TMC1: variants seen among roughly 807,000 people sequenced by gnomAD.
TMC1 encodes the protein transmembrane channel-like protein 1.
In TMC1, 84 loss-of-function variants were observed where a neutral mutation model predicts 105.8. The ratio of observed to expected loss-of-function variants is 0.79; its 90% CI spans 0.67 to 0.95. The LOEUF is 0.95. Ranked by LOEUF, TMC1 falls within the 40% of genes least tolerant of loss-of-function variation. The pLI is 0.00. For synonymous variants in TMC1, 315 were observed against 311.5 expected (o/e 1.01, Z -0.12); for missense variants, 817 against 914.1 (o/e 0.89, Z 1.37).
intron 3 of TMC1, among the ~76,000 whole-genome samples, chr9:72,624,298 T>C (rs1474648781): frequency 6.6e-6 from 1 of 152,174 alleles, no homozygotes; most frequent in Non-Finnish European, 1.5e-5. Flanking sequence ...AAAGGCAGGA[T>C]GGATCATCCT....
intron 2 of TMC1, among the ~76,000 whole-genome samples, chr9:72,596,240 G>A (rs1312034718): frequency 6.6e-6 from 1 of 152,170 alleles, no homozygotes; most frequent in South Asian, 2.1e-4. Context: ...CTGCCCATCT[G>A]TATCACCTTC....
At chr9:72,652,207 A>G (rs886400972) in intron 5 of TMC1, among the ~76,000 whole-genome samples, 3 of 152,158 alleles carry the variant, frequency 2.0e-5, no homozygotes, top group African/African-American at 7.2e-5. Context: ...TGTATATCTG[A>G]GTAGAAGGTA....
chr9:72,832,182 G>A (rs939225263), intron 23 of TMC1, among the ~76,000 whole-genome samples: 1 of 151,946 alleles, frequency 6.6e-6, no homozygotes, highest in African/African-American at 2.4e-5. Flanking sequence ...AAAGTCTTGG[G>A]CTCAGGTGAT....
intron 9 of TMC1, chr9:72,741,027 T>G (rs1305906320): frequency 1.3e-5 from 2 of 153,102 alleles, no homozygotes; most frequent in African/African-American, 4.8e-5. Flanking sequence ...TGTGTTGTAG[T>G]CTATTGTATA....
chr9:72,740,003 A>T, intron 8 of TMC1, 116 bp from the exon 9 acceptor site: 1 of 773,754 alleles, frequency 1.3e-6, no homozygotes, highest in Non-Finnish European at 2.2e-6. Context: ...TTCACCTGTG[A>T]AGGATCTAGA....
intron 4 of TMC1, among the ~76,000 whole-genome samples, chr9:72,647,438 T>C (rs1340474276): frequency 4.5e-4 from 68 of 152,196 alleles, no homozygotes; most frequent in Non-Finnish European, 2.2e-4. Context: ...TCAAATTGCA[T>C]GTTGTTCTTG....
At chr9:72,823,178 A>AT (rs770183371) in intron 20 of TMC1, among the ~76,000 whole-genome samples, 12 of 149,806 alleles carry the variant, frequency 8.0e-5, no homozygotes, top group Admixed American at 1.3e-4. Flanking sequence ...TGCTATTTAG[A>AT]TTTTTTTTTT....
intron 17 of TMC1, among the ~76,000 whole-genome samples, chr9:72,794,758 A>G (rs1311789370): frequency 1.3e-5 from 2 of 152,236 alleles, no homozygotes; most frequent in Admixed American, 6.5e-5. Flanking sequence ...TTCTCCAACA[A>G]GAGTTCTTAA....
chr9:72,721,096 T>C (rs1191642048), intron 8 of TMC1, among the ~76,000 whole-genome samples: 1 of 152,214 alleles, frequency 6.6e-6, no homozygotes, highest in Non-Finnish European at 1.5e-5. Flanking sequence ...ATATGCCAGC[T>C]CTAAATATGC....
intron 1 of TMC1, among the ~76,000 whole-genome samples, chr9:72,528,950 T>C (rs557549878): frequency 6.6e-6 from 1 of 152,240 alleles, no homozygotes; most frequent in African/African-American, 2.4e-5. Context: ...ATTGAACATG[T>C]ATAGATTTTT....
chr9:72,628,262 T>G (rs900947481), intron 4 of TMC1, 199 bp downstream of exon 4: 1 of 295,520 alleles, frequency 3.4e-6, no homozygotes, highest in African/African-American at 2.2e-5. Context: ...TAAAAACAGC[T>G]TGGGATGGAG....
intron 2 of TMC1, among the ~76,000 whole-genome samples, chr9:72,588,418 T>C (rs1349338042): frequency 6.6e-6 from 1 of 152,298 alleles, no homozygotes; most frequent in South Asian, 2.1e-4. Flanking sequence ...TATAATCATC[T>C]GAATGCTTGC....
At chr9:72,721,446 A>G (rs1331520877) in intron 8 of TMC1, among the ~76,000 whole-genome samples, 1 of 152,204 alleles carries the variant, frequency 6.6e-6, no homozygotes, top group Non-Finnish European at 1.5e-5. Flanking sequence ...ATTCTAAGCC[A>G]CACTGCCTTG....
intron 7 of TMC1, among the ~76,000 whole-genome samples, chr9:72,697,680 T>A (rs181480466): frequency 6.0e-4 from 92 of 152,248 alleles, no homozygotes; most frequent in African/African-American, 2.1e-3. Flanking sequence ...TTGGTGATGT[T>A]GGATTAGAGA....
At chr9:72,740,532 GT>G (rs1464245387) in intron 9 of TMC1, among the ~76,000 whole-genome samples, 1 of 152,220 alleles carries the variant, frequency 6.6e-6, no homozygotes, top group East Asian at 1.9e-4. Context: ...TTCTGGTCAA[GT>G]TGTTTTTCTC....
chr9:72,647,952 C>A (rs1161929170), intron 4 of TMC1, among the ~76,000 whole-genome samples: 1 of 149,600 alleles, frequency 6.7e-6, no homozygotes, highest in Non-Finnish European at 1.5e-5. Flanking sequence ...TCATTCCAAT[C>A]AAAGATCACT....
intron 12 of TMC1, among the ~76,000 whole-genome samples, chr9:72,770,806 AG>A (rs1270928431): frequency 6.6e-6 from 1 of 152,110 alleles, no homozygotes; most frequent in Non-Finnish European, 1.5e-5. Context: ...TGAGGGCAGG[AG>A]GAGATGAGAT....
chr9:72,821,820 G>C (rs895475166), intron 20 of TMC1, among the ~76,000 whole-genome samples: 7 of 152,148 alleles, frequency 4.6e-5, no homozygotes, highest in Non-Finnish European at 5.9e-5. Flanking sequence ...GAGAGAGAGA[G>C]AGACAGACAG....
In TMC1 at chr9:72,810,500, A is replaced by G. The variant is rs559887681; in HGVS notation, c.1695+4990A>G. 9.2e-5 allele frequency among the ~76,000 whole-genome samples: 14 copies of G among 152,316 alleles called. No individual in the cohort carries two copies. The South Asian group carries it at 2.3e-3, about 25-fold the overall frequency. The stretch of plus-strand genomic sequence containing the variant: ...ATAGGTAATCTCTGCCACTAATGAG[A>G]TTAATTATTTGGATTGTTGAATCAA... On this transcript the variant is annotated intron_variant, in intron 18 of 23. Transcript: ENST00000297784.
Sources: gnomAD v4.1 joint callset for allele counts (sites outside exome capture counted in the v4.1 genomes callset) on GRCh38, gnomAD v4.1.1 for gene constraint, MANE v1.5 for transcripts, NCBI Gene and HGNC (gene_info 2026-07-23, HGNC 2026-07-21) for gene names.